The following KCNIP1 variants were observed in gnomAD, a reference collection of about 807,000 sequenced individuals.
KCNIP1 encodes A-type potassium channel modulatory protein KCNIP1.
A neutral mutation model predicts 33.0 loss-of-function variants in KCNIP1; 18 were observed. The ratio of observed to expected loss-of-function variants is 0.55; its 90% confidence interval spans 0.38 to 0.81. The LOEUF is 0.81. Among genes scored for constraint, KCNIP1 ranks in the 30% least tolerant of loss-of-function variants. KCNIP1 has a pLI of 0.00. For synonymous variants in KCNIP1, 93 were observed against 98.3 expected (o/e 0.95, Z 0.32); for missense variants, 238 against 271.6 (o/e 0.88, Z 0.87).
At chr5:170,554,720 A>G (rs1215246635) in intron 1 of KCNIP1, among the ~76,000 whole-genome samples, 1 of 152,154 alleles carries the variant, frequency 6.6e-6, no homozygotes, top group South Asian at 2.1e-4. Context: ...TTTATGCTCC[A>G]TGTAATCCGT....
chr5:170,558,295 T>C (rs1034487266), intron 1 of KCNIP1, among the ~76,000 whole-genome samples: 3 of 152,194 alleles, frequency 2.0e-5, no homozygotes, highest in African/African-American at 7.2e-5. Context: ...CCTAGCTACA[T>C]AGAAGGCCGA....
chr5:170,652,100 G>C (rs1761065954), intron 1 of KCNIP1, among the ~76,000 whole-genome samples: 1 of 152,160 alleles, frequency 6.6e-6, no homozygotes, highest in Non-Finnish European at 1.5e-5. Context: ...GGGAGACAGA[G>C]AGAGGAAGAC....
At position 170,504,832 on chromosome 5, in the gene KCNIP1, G is replaced by C. The variant is rs1038875349; in HGVS notation, c.61+199G>C. Among the ~76,000 whole-genome samples, 2 of 152,154 alleles carry C rather than the reference G, an allele frequency of 1.3e-5. No homozygotes were observed. Among genetic ancestry groups the C allele is most frequent in the African/African-American group, 2.4e-5 (1 of 41,446 alleles). On this transcript the variant is annotated intron_variant, in intron 1 of 7. Coordinates refer to ENST00000328939, the MANE Select transcript of KCNIP1 (RefSeq NM_014592.4). This position sits in a 1 kb window ranked among gnomAD's most constrained non-coding sequence, Gnocchi z 6.0. ...GAGGAGGGAGCCGGAGTGGACGTCT[G>C]CCCCAGCGGCAACTGGACCCCTCTG... is the stretch of plus-strand genomic sequence containing the variant.
chr5:170,503,558 A>G (rs910232604), upstream of KCNIP1, among the ~76,000 whole-genome samples: 7 of 151,856 alleles, frequency 4.6e-5, no homozygotes, highest in Admixed American at 6.6e-5. Context: ...CCTTCTTCCC[A>G]TGACCACCCA....
rs1757170184 is a variant in KCNIP1, at chr5:170,489,729, C to A, written c.88+135765C>A. ...TGGAGGCTCAGGGCAGAAGTTACCC[C>A]CTTTACAACTGACGGGAGCTATCCT... is the stretch of plus-strand genomic sequence containing the variant. On this transcript the variant is annotated intron_variant, in intron 1 of 7. Transcript: ENST00000377360. This position sits in a 1 kb window ranked among gnomAD's most constrained non-coding sequence, Gnocchi z 4.3. Among the ~76,000 whole-genome samples the A allele has an allele frequency of 2.0e-5, 3 of 152,228 alleles. No homozygotes were observed. The highest frequency in any genetic ancestry group is 2.0e-4 in the Admixed American group (3 of 15,284).
At chr5:170,481,393 C>CCTGCTG (rs145931479) in intron 1 of KCNIP1, among the ~76,000 whole-genome samples, 5 of 150,980 alleles carry the variant, frequency 3.3e-5, no homozygotes, top group African/African-American at 9.7e-5. Context: ...TAGTACTACT[C>CCTGCTG]CTGCTGCTGC....
intron 1 of KCNIP1, among the ~76,000 whole-genome samples, chr5:170,426,747 C>T (rs904289391): frequency 8.5e-5 from 13 of 152,390 alleles, no homozygotes; most frequent in Admixed American, 7.8e-4. Flanking sequence ...TTCACTGCAG[C>T]AGCCAAGAAA....
chr5:170,729,988 T>C (rs949054634), intron 5 of KCNIP1, among the ~76,000 whole-genome samples: 17 of 152,020 alleles, frequency 1.1e-4, no homozygotes, highest in Non-Finnish European at 1.2e-4. Flanking sequence ...ATTTGTAAAA[T>C]GAATTACAGT....
At chr5:170,384,310 C>T (rs1236557150) in intron 1 of KCNIP1, among the ~76,000 whole-genome samples, 1 of 152,196 alleles carries the variant, frequency 6.6e-6, no homozygotes, top group Non-Finnish European at 1.5e-5. Flanking sequence ...GGTCAAGTGA[C>T]TTTGCTGAGA....
At chr5:170,697,021 CTCTT>C (rs1762920724) in intron 1 of KCNIP1, among the ~76,000 whole-genome samples, 1 of 151,988 alleles carries the variant, frequency 6.6e-6, no homozygotes, top group Non-Finnish European at 1.5e-5. Flanking sequence ...GCCTCTGTCT[CTCTT>C]TCTCTCTCCT....
At position 170,415,388 on chromosome 5, in the gene KCNIP1, C is replaced by T. The variant is rs893916411; in HGVS notation, c.88+61424C>T. On this transcript the variant is annotated intron_variant, in intron 1 of 7. Transcript: ENST00000377360. ...GATAATTCTTTGCTGTGGGGGGACT[C>T]TCCTGTGTGCTGTGACATTTAGCAA... Among the ~76,000 whole-genome samples, 3 of 152,210 alleles carry T rather than the reference C, an allele frequency of 2.0e-5. No homozygotes were observed. The East Asian group carries it at 5.8e-4, about 29-fold the overall frequency.
At chr5:170,700,139 T>A (rs1763043589) in intron 1 of KCNIP1, among the ~76,000 whole-genome samples, 2 of 152,072 alleles carry the variant, frequency 1.3e-5, no homozygotes, top group African/African-American at 4.8e-5. Flanking sequence ...AGGCTTATCT[T>A]GTTCTCCTGT....
At position 170,724,012 on chromosome 5, in the gene KCNIP1, C is replaced by T. The variant is rs564628508; in HGVS notation, c.435+1192C>T. On this transcript the variant is annotated intron_variant, in intron 5 of 7. Coordinates refer to ENST00000328939, the MANE Select transcript of KCNIP1 (RefSeq NM_014592.4). Reference sequence around the variant, plus strand: ...GTCAGCAGAGTCAGATGGTGGAGGGCTAGGGTAAGGGGCCCATCCATATTC... The same window carrying T: ...GTCAGCAGAGTCAGATGGTGGAGGGTTAGGGTAAGGGGCCCATCCATATTC... 2.0e-5 allele frequency among the ~76,000 whole-genome samples: 3 copies of T among 152,208 alleles called. No individual in the cohort carries two copies. In the East Asian group the frequency reaches 5.8e-4, roughly 29 times the overall value.
At chr5:170,536,356 G>C (rs534472765) in intron 1 of KCNIP1, among the ~76,000 whole-genome samples, 1 of 151,558 alleles carries the variant, frequency 6.6e-6, no homozygotes, top group African/African-American at 2.4e-5. Context: ...AGTTTTCCCA[G>C]CAGTAGAATG....
Position 170,623,492 on chromosome 5 carries a change from G to A in KCNIP1, c.62-95266G>A, listed in dbSNP as rs895994389. Among the ~76,000 whole-genome samples the A allele has an allele frequency of 7.9e-5, 12 of 152,030 alleles. No homozygotes were observed. In the East Asian group the frequency reaches 1.7e-3, roughly 22 times the overall value. On this transcript the variant is annotated intron_variant, in intron 1 of 7. Coordinates refer to ENST00000328939, the MANE Select transcript of KCNIP1 (RefSeq NM_014592.4). ...CTCCCAAAGTGCTGGGATTACAGGC[G>A]TGAGCCACCACGACCTGCCCGGGGA... is the stretch of plus-strand genomic sequence containing the variant.
At chr5:170,548,489 G>A (rs1238382770) in intron 1 of KCNIP1, among the ~76,000 whole-genome samples, 1 of 152,184 alleles carries the variant, frequency 6.6e-6, no homozygotes, top group Non-Finnish European at 1.5e-5. Context: ...TAACTCAAGA[G>A]AGGTAACAAC....
intron 1 of KCNIP1, among the ~76,000 whole-genome samples, chr5:170,670,744 T>A (rs530359396): frequency 7.2e-5 from 11 of 151,874 alleles, no homozygotes; most frequent in South Asian, 6.3e-4. Context: ...ATACAAAAAT[T>A]TAGCCAGGTG....
chr5:170,512,490 C>T (rs987942623), intron 1 of KCNIP1, among the ~76,000 whole-genome samples: 10 of 152,342 alleles, frequency 6.6e-5, no homozygotes, highest in Admixed American at 3.3e-4. Context: ...GAATTCAAAT[C>T]CTGGCTCTGC....
At chr5:170,430,250 A>C (rs6887474) in intron 1 of KCNIP1, among the ~76,000 whole-genome samples, 62,510 of 152,076 alleles carry the variant, frequency 0.41, 13,155 homozygotes, top group African/African-American at 0.49. Flanking sequence ...CCAGCCCCAA[A>C]CCTCTGACCA....
Sources: allele counts gnomAD v4.1 joint callset (sites outside exome capture counted in the v4.1 genomes callset), GRCh38; gene constraint gnomAD v4.1.1; non-coding constraint Gnocchi (gnomAD v3.1); transcripts MANE v1.5; gene names NCBI Gene and HGNC (gene_info 2026-07-23, HGNC 2026-07-21).